Variants in TENM3 observed in about 807,000 individuals in gnomAD.
TENM3 encodes teneurin transmembrane protein 3, also known as teneurin-3.
In TENM3, 63 loss-of-function variants were observed where a neutral mutation model predicts 255.1. The ratio of observed to expected loss-of-function variants is 0.25; its 90% CI spans 0.20 to 0.30. The LOEUF is 0.30. TENM3 is among the 10% of genes least tolerant of loss of function. The pLI is 1.00. For synonymous variants in TENM3, 1,306 were observed against 1,322.3 expected (o/e 0.99, Z 0.27); for missense variants, 2,929 against 3,461.1 (o/e 0.85, Z 3.86).
chr4:182,353,802 C>T (rs1331530985), intron 3 of TENM3, among the ~76,000 whole-genome samples: 1 of 151,988 alleles, frequency 6.6e-6, no homozygotes, highest in Non-Finnish European at 1.5e-5. Context: ...CCCATCTCTA[C>T]TAAAAATACA....
intron 1 of TENM3, among the ~76,000 whole-genome samples, chr4:182,169,078 C>CAT (rs1751922515): frequency 2.9e-5 from 4 of 139,912 alleles, no homozygotes; most frequent in Admixed American, 1.6e-4. Context: ...ATGCCATACA[C>CAT]ACACACACAC....
chr4:182,584,601 A>G (rs1027175394), intron 3 of TENM3, among the ~76,000 whole-genome samples: 15 of 152,312 alleles, frequency 9.8e-5, no homozygotes, highest in Admixed American at 2.6e-4. Flanking sequence ...AATAAATGAT[A>G]TTAATAGATA....
chr4:182,137,339 C>A, the TENM3 span, among the ~76,000 whole-genome samples: 37 of 110,960 alleles, frequency 3.3e-4, no homozygotes, highest in Non-Finnish European at 6.0e-4. Flanking sequence ...CACCTCCCCC[C>A]CCCCAAAAAG....
chr4:182,450,511 G>C (rs1478642794), intron 3 of TENM3, among the ~76,000 whole-genome samples: 1 of 152,008 alleles, frequency 6.6e-6, no homozygotes, highest in Non-Finnish European at 1.5e-5. Flanking sequence ...GAGAAATGTT[G>C]GTGTTATCCC....
At chr4:182,301,221 C>A (rs1350638346) in intron 1 of TENM3, among the ~76,000 whole-genome samples, 2 of 152,312 alleles carry the variant, frequency 1.3e-5, no homozygotes, top group East Asian at 1.9e-4. Context: ...ATATGCCAAC[C>A]AAAGCTTACA....
intron 1 of TENM3, among the ~76,000 whole-genome samples, chr4:182,245,776 T>C (rs556403076): frequency 6.6e-6 from 1 of 152,324 alleles, no homozygotes; most frequent in African/African-American, 2.4e-5. Flanking sequence ...GTGTCAATGC[T>C]GCAACTTGCT....
At chr4:182,117,725 TA>T in the TENM3 span, among the ~76,000 whole-genome samples, 1 of 152,216 alleles carries the variant, frequency 6.6e-6, no homozygotes, top group South Asian at 2.1e-4. Context: ...TGAAGTTGAA[TA>T]GCATCAGTCC....
the TENM3 span, among the ~76,000 whole-genome samples, chr4:181,485,134 G>C: frequency 1.7e-4 from 26 of 152,242 alleles, no homozygotes; most frequent in African/African-American, 6.0e-4. Context: ...TAAAACATAA[G>C]TGTCAATCAT....
chr4:182,512,869 C>T (rs1414025437), intron 3 of TENM3, among the ~76,000 whole-genome samples: 2 of 152,116 alleles, frequency 1.3e-5, no homozygotes, highest in Admixed American at 6.5e-5. Context: ...AGTTTGTATA[C>T]TCCTTGAAGA....
At chr4:182,434,543 G>A (rs1375246880) in intron 3 of TENM3, among the ~76,000 whole-genome samples, 2 of 151,808 alleles carry the variant, frequency 1.3e-5, no homozygotes, top group South Asian at 2.1e-4. Flanking sequence ...GGCACCTGTA[G>A]TCTCAGCTAC....
chr4:182,156,824 T>A (rs989084110), intron 1 of TENM3, among the ~76,000 whole-genome samples: 12 of 152,174 alleles, frequency 7.9e-5, no homozygotes, highest in Non-Finnish European at 1.6e-4. Context: ...CAGCCCCACC[T>A]GTTTTGTCTG....
chr4:181,851,601 A>C, the TENM3 span, among the ~76,000 whole-genome samples: 212 of 151,966 alleles, frequency 1.4e-3, 1 homozygote, highest in African/African-American at 4.9e-3. Flanking sequence ...CACGCACGCA[A>C]ACGCACACAC....
chr4:181,976,693 T>C, the TENM3 span, among the ~76,000 whole-genome samples: 1 of 152,182 alleles, frequency 6.6e-6, no homozygotes, highest in African/African-American at 2.4e-5. Flanking sequence ...AAGTAGGCAA[T>C]TATACAGACA....
chr4:182,520,383 A>G (rs553207395), intron 3 of TENM3, among the ~76,000 whole-genome samples: 3 of 152,344 alleles, frequency 2.0e-5, no homozygotes, highest in African/African-American at 4.8e-5. Flanking sequence ...AGAGGCAAAT[A>G]GAATCCTTGG....
chr4:181,681,938 T>C, the TENM3 span, among the ~76,000 whole-genome samples: 1 of 152,182 alleles, frequency 6.6e-6, no homozygotes, highest in African/African-American at 2.4e-5. Flanking sequence ...TGTGTTCTAA[T>C]TTCAGATGAT....
At chr4:182,772,672 T>C (rs1370268946) in intron 22 of TENM3, 1 of 152,176 alleles carries the variant, frequency 6.6e-6, no homozygotes, top group Non-Finnish European at 1.5e-5. Context: ...ATGATGCATA[T>C]TTATGAGCAC....
At chr4:182,021,306 T>C in the TENM3 span, among the ~76,000 whole-genome samples, 2 of 152,156 alleles carry the variant, frequency 1.3e-5, no homozygotes, top group Non-Finnish European at 2.9e-5. Context: ...CACAGTTTCT[T>C]TATTCAATCT....
intron 4 of TENM3, among the ~76,000 whole-genome samples, chr4:182,605,748 A>T (rs933524795): frequency 1.3e-5 from 2 of 152,132 alleles, no homozygotes; most frequent in Non-Finnish European, 2.9e-5. Flanking sequence ...CAGAGAGAGG[A>T]GGATAATTGA....
chr4:182,728,993 T>C lies in TENM3; in HGVS notation c.2397T>C (p.Asp799=), dbSNP rs1465543986. Residue 799 remains aspartate, a synonymous_variant, in exon 14 of 28, where the codon GAT becomes GAC. Coordinates refer to ENST00000511685, the MANE Select transcript of TENM3 (RefSeq NM_001080477.4). ...GACTCATTGACTGCATGGATCCCGA[T>C]TGCTGCCTACAGAGTTCCTGCCAGA... ...GDGLIDCMDP[D]CCLQSSCQNQ... The C allele has an allele frequency of 2.5e-6, 4 of 1,613,990 alleles. No homozygotes were observed. Among genetic ancestry groups the C allele is most frequent in the African/African-American group, 2.7e-5 (2 of 75,052 alleles).
Sources: gnomAD v4.1 joint callset for allele counts (sites outside exome capture counted in the v4.1 genomes callset) on GRCh38, gnomAD v4.1.1 for gene constraint, MANE v1.5 for transcripts, NCBI Gene and HGNC (gene_info 2026-07-23, HGNC 2026-07-21) for gene names.